SLC4A4: variants seen among roughly 807,000 people sequenced by gnomAD.
The protein encoded by SLC4A4 is electrogenic sodium bicarbonate cotransporter 1.
A neutral mutation model predicts 111.5 loss-of-function variants in SLC4A4; 27 were observed. The ratio of observed to expected loss-of-function variants is 0.24; its 90% CI spans 0.18 to 0.33. The LOEUF is 0.33. SLC4A4 is among the 10% of genes least tolerant of loss of function. SLC4A4 has a pLI of 1.00. For missense variants in SLC4A4, 909 were observed against 1,315.5 expected (o/e 0.69, Z 4.78); for synonymous variants, 443 against 463.4 (o/e 0.96, Z 0.57).
At chr4:71,173,786 A>G (rs1190905570) in intron 2 of SLC4A4, among the ~76,000 whole-genome samples, 2 of 152,222 alleles carry the variant, frequency 1.3e-5, no homozygotes, top group African/African-American at 4.8e-5. Context: ...GAAACAGTTG[A>G]CCATGTATGA....
intron 5 of SLC4A4, among the ~76,000 whole-genome samples, chr4:71,353,806 C>T (rs1166815424): frequency 1.3e-5 from 2 of 152,172 alleles, no homozygotes; most frequent in African/African-American, 4.8e-5. Flanking sequence ...TTTTCATCTT[C>T]CTTTGCAGTC....
chr4:71,098,294 G>A (rs766296869), intron 2 of SLC4A4, among the ~76,000 whole-genome samples: 40 of 151,992 alleles, frequency 2.6e-4, no homozygotes, highest in African/African-American at 4.1e-4. Context: ...CCCTTTCCCC[G>A]TTGCTTGCTT....
rs763717388 is a variant in SLC4A4, at chr4:71,339,525, A to G, written c.389+20A>G. ...AGCCAGGTGAGGCATAGCTGACTGT[A>G]TGTAGTACTGACCCAGGGAAACAAG... On this transcript the variant is annotated intron_variant, in intron 4 of 25. Transcript: ENST00000264485. The G allele has an allele frequency of 1.9e-6, 3 of 1,609,520 alleles. No individual in the cohort carries two copies. The highest frequency in any genetic ancestry group is 1.1e-5 in the South Asian group (1 of 90,920).
chr4:71,247,258 G>C (rs1370219879), intron 2 of SLC4A4, among the ~76,000 whole-genome samples: 1 of 147,050 alleles, frequency 6.8e-6, no homozygotes, highest in Non-Finnish European at 1.5e-5. Flanking sequence ...TTAAAAATAT[G>C]TTCATCTACT....
intron 3 of SLC4A4, among the ~76,000 whole-genome samples, chr4:71,320,287 G>T (rs919974571): frequency 6.6e-6 from 1 of 151,958 alleles, no homozygotes; most frequent in Non-Finnish European, 1.5e-5. Context: ...GCTTACCCTA[G>T]CTTTTCAGTC....
chr4:71,475,936 C>T (rs922484023), intron 14 of SLC4A4, among the ~76,000 whole-genome samples: 13 of 151,790 alleles, frequency 8.6e-5, no homozygotes, highest in Non-Finnish European at 7.4e-5. Context: ...GACCTATCTT[C>T]ATCATCCTTC....
At chr4:71,485,315 C>A (rs1006817494) in intron 14 of SLC4A4, among the ~76,000 whole-genome samples, 2 of 151,584 alleles carry the variant, frequency 1.3e-5, no homozygotes, top group Non-Finnish European at 1.5e-5. Flanking sequence ...CCTTCAACAC[C>A]TAGTTTGTTG....
At chr4:71,447,771 A>G (rs777385230) in intron 9 of SLC4A4, 38 bp downstream of exon 9, 1 of 1,300,470 alleles carries the variant, frequency 7.7e-7, no homozygotes, top group East Asian at 2.3e-5. Flanking sequence ...TGAATGTCCT[A>G]CTTGTTTGTT....
At chr4:71,084,306 T>C (rs1484534268) in intron 1 of SLC4A4, among the ~76,000 whole-genome samples, 1 of 152,076 alleles carries the variant, frequency 6.6e-6, no homozygotes, top group Admixed American at 6.6e-5. Flanking sequence ...TTTTAAATGG[T>C]CTTTTCATAT....
rs139723745 is a variant in SLC4A4 at position 71,145,275 on chromosome 4, A to C, written c.-2+52483A>C. ...TATTGATTTGTGTATGTTGAACCAG[A>C]CTTGCATCCCAGGGATGAAGCCCAC... On this transcript the variant is annotated intron_variant, in intron 2 of 26. Coordinates refer to the SLC4A4 transcript ENST00000649996. Among the ~76,000 whole-genome samples the C allele has an allele frequency of 5.7e-3, 861 of 152,278 alleles. 22 individuals carry two copies. In the East Asian group the frequency reaches 0.064, roughly 11 times the overall value.
At chr4:71,373,361 G>A (rs1169637315) in intron 6 of SLC4A4, among the ~76,000 whole-genome samples, 2 of 152,186 alleles carry the variant, frequency 1.3e-5, no homozygotes, top group African/African-American at 4.8e-5. Context: ...GAATGGTGGG[G>A]TATAAACAGA....
chr4:71,124,257 T>G (rs1743506446), intron 2 of SLC4A4, among the ~76,000 whole-genome samples: 1 of 151,744 alleles, frequency 6.6e-6, no homozygotes, highest in Non-Finnish European at 1.5e-5. Context: ...ACTGCAACCT[T>G]TGCCTCCTGG....
chr4:71,082,938 C>T (rs1320284919), intron 1 of SLC4A4, among the ~76,000 whole-genome samples: 2 of 151,766 alleles, frequency 1.3e-5, no homozygotes, highest in South Asian at 2.1e-4. Flanking sequence ...ACTGTAACCT[C>T]CGCCTCCCAG....
At chr4:71,309,855 C>G (rs1725997361) in intron 3 of SLC4A4, among the ~76,000 whole-genome samples, 1 of 152,006 alleles carries the variant, frequency 6.6e-6, no homozygotes, top group Non-Finnish European at 1.5e-5. Flanking sequence ...CAGAAGTAGG[C>G]TTCAGAAAGT....
chr4:71,405,933 A>G (rs1720800605), intron 7 of SLC4A4, among the ~76,000 whole-genome samples: 1 of 121,950 alleles, frequency 8.2e-6, no homozygotes, highest in East Asian at 2.5e-4. Flanking sequence ...AAGGAGGTGA[A>G]AAGTGCAGTG....
intron 2 of SLC4A4, among the ~76,000 whole-genome samples, chr4:71,127,848 G>A (rs1041156069): frequency 3.9e-5 from 6 of 152,170 alleles, no homozygotes; most frequent in African/African-American, 1.4e-4. Flanking sequence ...TATCGGCTGG[G>A]CACGGTGGCT....
intron 1 of SLC4A4, among the ~76,000 whole-genome samples, chr4:71,208,430 CAAAAA>C (rs34995813): frequency 2.7e-5 from 3 of 110,322 alleles, no homozygotes; most frequent in South Asian, 2.7e-4. Context: ...GACTCCGTCT[CAAAAA>C]AAAAAAAAAT....
chr4:71,329,749 A>G (rs1207344527), intron 3 of SLC4A4, among the ~76,000 whole-genome samples: 4 of 152,254 alleles, frequency 2.6e-5, no homozygotes, highest in Non-Finnish European at 5.9e-5. Context: ...ATAAGGTTAT[A>G]TTATTTGCAA....
At chr4:71,293,951 A>G (rs963145164) in intron 3 of SLC4A4, among the ~76,000 whole-genome samples, 1 of 152,186 alleles carries the variant, frequency 6.6e-6, no homozygotes, top group African/African-American at 2.4e-5. Flanking sequence ...TCAGTGAAGG[A>G]TGAGGTAATT....
Sources: allele counts gnomAD v4.1 joint callset (sites outside exome capture counted in the v4.1 genomes callset), GRCh38; gene constraint gnomAD v4.1.1; transcripts MANE v1.5; gene names NCBI Gene and HGNC (gene_info 2026-07-23, HGNC 2026-07-21).